PAK1: variants seen among roughly 807,000 people sequenced by gnomAD.
PAK1 encodes the protein p21 (RAC1) activated kinase 1.
A neutral mutation model predicts 67.4 loss-of-function variants in PAK1; 29 were observed. The observed-to-expected ratio is 0.43, with a 90% confidence interval of 0.32 to 0.59. The LOEUF (loss-of-function observed/expected upper bound fraction) is 0.59, where lower values mean the gene tolerates loss of function less well. PAK1 is among the 20% of genes least tolerant of loss of function. The pLI, the probability that PAK1 is intolerant of heterozygous loss-of-function variation, is 0.07. For synonymous variants in PAK1, 223 were observed against 237.4 expected (o/e 0.94, Z 0.56); for missense variants, 337 against 670.7 (o/e 0.50, Z 5.50).
At chr11:77,349,089 C>T in intron 9 of PAK1, 150 bp downstream of exon 9, 1 of 598,686 alleles carries the variant, frequency 1.7e-6, no homozygotes, top group South Asian at 2.0e-5. Flanking sequence ...CACGCCACTG[C>T]ACTCCAGCCT....
the PAK1 span, among the ~76,000 whole-genome samples, chr11:77,498,850 G>A: frequency 1.3e-5 from 2 of 151,854 alleles, no homozygotes; most frequent in Admixed American, 6.6e-5. Context: ...ACAGGCACAC[G>A]CCACCATGCC....
In PAK1 at chr11:77,435,558, A is replaced by T. The variant is rs531653457; in HGVS notation, c.-22+37994T>A. On this transcript the variant is annotated intron_variant, in intron 1 of 14. Coordinates refer to ENST00000356341, the MANE Select transcript of PAK1 (RefSeq NM_002576.5). ...CCCCAGGCTGGAGTGCAGTGGCCTGATCTCGGCTCACTGCAAGCTCCGCCT... is the reference window on the plus strand; with the variant it reads ...CCCCAGGCTGGAGTGCAGTGGCCTGTTCTCGGCTCACTGCAAGCTCCGCCT... Among the ~76,000 whole-genome samples, 392 of 142,178 alleles carry T rather than the reference A, an allele frequency of 2.8e-3. 2 individuals carry two copies. The highest frequency in any genetic ancestry group is 4.2e-3 in the Non-Finnish European group (276 of 66,366). The allele number at this position is 142,178 out of a possible 152,430, so 93.3% of individuals were successfully genotyped here.
At chr11:77,494,803 T>C in the PAK1 span, among the ~76,000 whole-genome samples, 3 of 152,134 alleles carry the variant, frequency 2.0e-5, no homozygotes, top group East Asian at 1.9e-4. Context: ...GAGGATCTCT[T>C]GAGCCCAGGA....
At chr11:77,480,428 A>G in the PAK1 span, among the ~76,000 whole-genome samples, 1 of 150,862 alleles carries the variant, frequency 6.6e-6, no homozygotes, top group Non-Finnish European at 1.5e-5. Context: ...TTTACAGAAT[A>G]TTTATTAAAG....
intron 1 of PAK1, among the ~76,000 whole-genome samples, chr11:77,413,405 G>A (rs1954757856): frequency 1.3e-5 from 2 of 152,176 alleles, no homozygotes; most frequent in South Asian, 4.1e-4. Flanking sequence ...GCAGAACTTG[G>A]TGGAAAACAG....
chr11:77,448,268 G>C (rs1956703002), intron 1 of PAK1, among the ~76,000 whole-genome samples: 1 of 152,152 alleles, frequency 6.6e-6, no homozygotes, highest in Admixed American at 6.5e-5. Flanking sequence ...ATATTTATTA[G>C]GCAACTTGCA....
chr11:77,350,918 C>T (rs1457445616), intron 8 of PAK1, among the ~76,000 whole-genome samples: 1 of 152,120 alleles, frequency 6.6e-6, no homozygotes, highest in Non-Finnish European at 1.5e-5. Context: ...CCTGATCCTA[C>T]TAGATGTAAT....
intron 1 of PAK1, among the ~76,000 whole-genome samples, chr11:77,424,960 T>A (rs1226761204): frequency 1.3e-5 from 2 of 152,180 alleles, no homozygotes; most frequent in African/African-American, 4.8e-5. Context: ...AATAATTACA[T>A]CTACTGAACC....
chr11:77,378,321 C>T (rs965083695), intron 4 of PAK1, among the ~76,000 whole-genome samples: 1 of 152,080 alleles, frequency 6.6e-6, no homozygotes, highest in African/African-American at 2.4e-5. Context: ...AATTAGGAGA[C>T]CTGGGTTCTA....
chr11:77,451,492 A>T (rs3019235), intron 1 of PAK1, among the ~76,000 whole-genome samples: 36,787 of 152,116 alleles, frequency 0.24, 5,071 homozygotes, highest in Non-Finnish European at 0.31. Flanking sequence ...AAAAATACAC[A>T]AGTTTGCCTG....
chr11:77,372,169 C>T (rs1213178190), intron 5 of PAK1, among the ~76,000 whole-genome samples: 1 of 152,210 alleles, frequency 6.6e-6, no homozygotes. Context: ...ACTCTTCCTA[C>T]AAAAGCATAA....
At chr11:77,392,247 A>G (rs1207310696) in intron 2 of PAK1, 84 bp downstream of exon 2, 1 of 978,602 alleles carries the variant, frequency 1.0e-6, no homozygotes, top group Non-Finnish European at 1.5e-6. Flanking sequence ...AAATTAAGTC[A>G]AAGACAACAG....
chr11:77,477,998 C>G (rs1283183310), upstream of PAK1, among the ~76,000 whole-genome samples: 3 of 152,164 alleles, frequency 2.0e-5, no homozygotes, highest in African/African-American at 7.2e-5. Flanking sequence ...CCTATCCCAG[C>G]AGCTAAAGGT....
chr11:77,505,882 A>G, the PAK1 span, among the ~76,000 whole-genome samples: 4 of 152,224 alleles, frequency 2.6e-5, no homozygotes, highest in African/African-American at 7.2e-5. Flanking sequence ...AAGTAAGAGC[A>G]GGTCCTAAGA....
chr11:77,377,231 C>T (rs774578649), intron 4 of PAK1, among the ~76,000 whole-genome samples: 10 of 152,122 alleles, frequency 6.6e-5, no homozygotes, highest in Non-Finnish European at 1.5e-4. Flanking sequence ...GCCAAGATCA[C>T]ACCACAGGAC....
At chr11:77,446,511 C>CAAAAAAAAAAA (rs56952838) in intron 1 of PAK1, among the ~76,000 whole-genome samples, 1 of 60,678 alleles carries the variant, frequency 1.6e-5, no homozygotes. Context: ...GACCCTGTCT[C>CAAAAAAAAAAA]AAAAAAAAAA....
intron 5 of PAK1, among the ~76,000 whole-genome samples, chr11:77,368,205 C>T (rs1363396091): frequency 6.6e-6 from 1 of 152,108 alleles, no homozygotes; most frequent in Non-Finnish European, 1.5e-5. Context: ...ACAAAGACGA[C>T]CCTACAAGCT....
intron 2 of PAK1, among the ~76,000 whole-genome samples, chr11:77,389,565 G>T (rs1950875304): frequency 6.6e-6 from 1 of 152,298 alleles, no homozygotes; most frequent in Admixed American, 6.5e-5. Flanking sequence ...TGAGTGTGAA[G>T]TGGTATCTCA....
At chr11:77,507,325 C>T in the PAK1 span, among the ~76,000 whole-genome samples, 9 of 152,266 alleles carry the variant, frequency 5.9e-5, no homozygotes, top group African/African-American at 7.2e-5. Context: ...CTCTCCTTCA[C>T]GGGGTCCTCT....
Sources: allele counts gnomAD v4.1 joint callset (sites outside exome capture counted in the v4.1 genomes callset), GRCh38; gene constraint gnomAD v4.1.1; transcripts MANE v1.5; gene names NCBI Gene and HGNC (gene_info 2026-07-23, HGNC 2026-07-21).